SRRM3: variants seen among roughly 807,000 people sequenced by gnomAD.
SRRM3 encodes serine/arginine repetitive matrix protein 3.
A neutral mutation model predicts 66.2 loss-of-function variants in SRRM3; 27 were observed. That is an observed-to-expected ratio of 0.41 (90% confidence interval 0.30 to 0.56). The LOEUF is 0.56. Ranked by LOEUF, SRRM3 falls within the 20% of genes least tolerant of loss-of-function variation. SRRM3 has a pLI of 0.32. For missense variants in SRRM3, 918 were observed against 991.9 expected (o/e 0.93, Z 1.00); for synonymous variants, 391 against 414.9 (o/e 0.94, Z 0.70).
intron 6 of SRRM3, 150 bp downstream of exon 6, chr7:76,261,053 C>A: frequency 1.3e-6 from 1 of 791,084 alleles, no homozygotes; most frequent in Non-Finnish European, 2.0e-6. Flanking sequence ...CTACAGAGGC[C>A]GTGAATCCCA....
intron 10 of SRRM3, 128 bp from the exon 11 acceptor site, chr7:76,267,130 T>G: frequency 5.8e-6 from 5 of 860,432 alleles, no homozygotes; most frequent in Non-Finnish European, 4.9e-6. Context: ...GTTCCCAGCA[T>G]GGTGAAAAGG....
intron 1 of SRRM3, among the ~76,000 whole-genome samples, chr7:76,234,518 T>C (rs1554604565): frequency 6.6e-6 from 1 of 152,176 alleles, no homozygotes. Context: ...GGCTTCCATC[T>C]TCCCCTCTCT....
intron 1 of SRRM3, among the ~76,000 whole-genome samples, chr7:76,233,225 A>G (rs1554604397): frequency 6.6e-6 from 1 of 152,146 alleles, no homozygotes; most frequent in Non-Finnish European, 1.5e-5. Flanking sequence ...GTGGGAGGAT[A>G]TCGCTTGAGC....
intron 1 of SRRM3, among the ~76,000 whole-genome samples, chr7:76,216,262 G>T (rs982420929): frequency 2.0e-5 from 3 of 149,296 alleles, no homozygotes; most frequent in Non-Finnish European, 3.0e-5. Flanking sequence ...CCCCATGCTG[G>T]TCTTGAACTC....
At position 76,264,905 on chromosome 7, in the gene SRRM3, T is replaced by G. The variant is rs1267362053; in HGVS notation, c.725+90T>G. 4 of 1,373,674 alleles carry G rather than the reference T, an allele frequency of 2.9e-6. No individual in the cohort carries two copies. In the Admixed American group the frequency reaches 6.5e-5, roughly 22 times the overall value. 85.1% of individuals were successfully genotyped at this position (1,373,674 alleles called of 1,614,324 possible). On this transcript the variant is annotated intron_variant, in intron 9 of 14. Transcript: ENST00000611745. ...TTTTAGAATCACAGAATCAGGCCATTAAAGGTAGCTCATTTTGCCCAGATG... is the reference window on the plus strand; with the variant it reads ...TTTTAGAATCACAGAATCAGGCCATGAAAGGTAGCTCATTTTGCCCAGATG...
At position 76,286,140 on chromosome 7, in the gene SRRM3, G is replaced by A; in HGVS notation, c.*297G>A. ...GAATCTCCCCATCCCCCTTCCTGCT[G>A]ATGCCAACTCACCAGGCTTGGGACT... On this transcript the variant is annotated 3_prime_UTR_variant, in exon 15 of 15. Transcript: ENST00000611745. The A allele has an allele frequency of 2.0e-6, 1 of 494,990 alleles. No individual in the cohort carries two copies. Among genetic ancestry groups the A allele is most frequent in the Non-Finnish European group, 3.7e-6 (1 of 267,324 alleles). The allele number at this position is 494,990 out of a possible 1,614,324, so 30.7% of individuals were successfully genotyped here.
At position 76,281,788 on chromosome 7, in the gene SRRM3, C is replaced by CGGACACGGGAAACGGTGAGCGTGCT; in HGVS notation, c.1361_1370+15dup. On this transcript the variant is annotated stop_gained and frameshift_variant, in exon 12 of 15. Transcript: ENST00000611745. LOFTEE classifies it high-confidence loss of function. ...AGCCCGGCTCTGAGCGAGGCCACGG[C>CGGACACGGGAAACGGTGAGCGTGCT]GGACACGGGAAACGGTGAGCGTGCT... is the stretch of plus-strand genomic sequence containing the variant. The CGGACACGGGAAACGGTGAGCGTGCT allele has an allele frequency of 7.2e-7, 1 of 1,384,508 alleles. No homozygotes were observed. Among genetic ancestry groups the CGGACACGGGAAACGGTGAGCGTGCT allele is most frequent in the Non-Finnish European group, 9.3e-7 (1 of 1,069,618 alleles). 85.8% of individuals were successfully genotyped at this position (1,384,508 alleles called of 1,614,324 possible).
At chr7:76,233,030 C>A (rs1199158328) in intron 1 of SRRM3, among the ~76,000 whole-genome samples, 1 of 151,804 alleles carries the variant, frequency 6.6e-6, no homozygotes, top group African/African-American at 2.4e-5. Context: ...GGGCTGGGCG[C>A]GGTGGCTCAC....
In SRRM3 at chr7:76,265,462, C is replaced by A; in HGVS notation, c.824C>A (p.Pro275His). Residue 275 changes from proline to histidine, a missense_variant, in exon 10 of 15, where the codon CCC becomes CAC. Coordinates refer to ENST00000611745, the MANE Select transcript of SRRM3 (RefSeq NM_001110199.3). ...TCCCACTACAGTGATTCCAGATCTCCCAGCAGGTAGGCCTGGGCCTCTGGG... is the reference window on the plus strand; with the variant it reads ...TCCCACTACAGTGATTCCAGATCTCACAGCAGGTAGGCCTGGGCCTCTGGG... ...LSSHYSDSRS[P>H]SRLSPKHRDE... 6.2e-7 allele frequency: 1 copy of A among 1,601,240 alleles called. No individual in the cohort carries two copies. The highest frequency in any genetic ancestry group is 8.5e-7 in the Non-Finnish European group (1 of 1,174,266).
At position 76,283,664 on chromosome 7, in the gene SRRM3, G is replaced by C. The variant is rs1426965821; in HGVS notation, c.1733+563G>C. Reference sequence around the variant, plus strand: ...CTGCCTCTCTCTTTCTCACTAACCTGGGGGATTTGGAGGAGGGGGCACAGC... The same window carrying C: ...CTGCCTCTCTCTTTCTCACTAACCTCGGGGATTTGGAGGAGGGGGCACAGC... On this transcript the variant is annotated intron_variant, in intron 14 of 14. Coordinates refer to ENST00000611745, the MANE Select transcript of SRRM3 (RefSeq NM_001110199.3). The C allele has an allele frequency of 1.4e-5, 9 of 625,474 alleles. No homozygotes were observed. In the East Asian group the frequency reaches 5.4e-4, roughly 37 times the overall value. The allele number at this position is 625,474 out of a possible 1,614,324, so 38.7% of individuals were successfully genotyped here. A position where few individuals can be genotyped will look rare whatever the true frequency, so the allele number is the denominator to read the frequency against.
At chr7:76,213,382 G>A (rs201794278) in intron 1 of SRRM3, among the ~76,000 whole-genome samples, 5 of 152,096 alleles carry the variant, frequency 3.3e-5, no homozygotes, top group African/African-American at 9.7e-5. Flanking sequence ...GCACTGCTGC[G>A]TGTATTAACT....
chr7:76,248,193 C>G lies in SRRM3; in HGVS notation c.239C>G (p.Ser80Trp). The stretch of plus-strand genomic sequence containing the variant: ...CCCTCTCTGTGCCCCTGCAGGTATT[C>G]GGAGGAGGAGATTCGGCAGAAAGTG... ...LQEMMEEQGY[S>W]EEEIRQKVGT... is the part of the protein sequence containing the mutation. Residue 80 changes from serine (S) to tryptophan (W), a missense_variant, in exon 3 of 15, where the codon TCG becomes TGG. Ser to Trp is a radical substitution (Grantham distance 177). Coordinates refer to ENST00000611745, the MANE Select transcript of SRRM3 (RefSeq NM_001110199.3). 6.2e-7 allele frequency: 1 copy of G among 1,612,556 alleles called. No individual in the cohort carries two copies. Among genetic ancestry groups the G allele is most frequent in the Non-Finnish European group, 8.5e-7 (1 of 1,179,272 alleles).
intron 1 of SRRM3, among the ~76,000 whole-genome samples, chr7:76,216,708 G>A (rs548363173): frequency 2.0e-5 from 3 of 152,352 alleles, no homozygotes; most frequent in South Asian, 4.1e-4. Context: ...GGTGACAGAG[G>A]TTTCTAGCTT....
At chr7:76,272,727 G>T (rs1292780700) in intron 11 of SRRM3, among the ~76,000 whole-genome samples, 2 of 152,182 alleles carry the variant, frequency 1.3e-5, no homozygotes, top group African/African-American at 4.8e-5. Flanking sequence ...AGGTGAGGGT[G>T]GCAGAGAAGG....
At position 76,260,125 on chromosome 7, in the gene SRRM3, A is replaced by G; in HGVS notation, c.473A>G (p.His158Arg). 3 of 1,398,932 alleles carry G rather than the reference A, an allele frequency of 2.1e-6. No homozygotes were observed. Among genetic ancestry groups the G allele is most frequent in the African/African-American group, 1.7e-5 (1 of 57,878 alleles). 86.7% of individuals were successfully genotyped at this position (1,398,932 alleles called of 1,614,324 possible). Residue 158 changes from histidine to arginine, a missense_variant, in exon 5 of 15, where the codon CAT (histidine) becomes CGT (arginine). Coordinates refer to ENST00000611745, the MANE Select transcript of SRRM3 (RefSeq NM_001110199.3). The part of the protein sequence containing the change: ...YRGHRGYRTK[H>R]WSSSSASPPP... Reference sequence around the variant, plus strand: ...CGCCCCTTCTCCCCCAGGACCAAGCATTGGTCTAGCAGCTCGGCATCGCCC... The same window carrying G: ...CGCCCCTTCTCCCCCAGGACCAAGCGTTGGTCTAGCAGCTCGGCATCGCCC...
Position 76,259,925 on chromosome 7 carries a change from C to T in SRRM3, c.355C>T (p.Leu119=). ...CGGCAGTGTGGCGGAGACCCCGCGG[C>T]TGACCGAGGGCGCTGAGCCGGGCCT... ...GGHIVAETPR[L]TEGAEPGLEY... The change falls in exon 4 of 15, where the codon CTG becomes TTG. Residue 119 remains leucine (L), a synonymous_variant. Transcript: ENST00000611745. 1 of 1,601,856 alleles carries T rather than the reference C, an allele frequency of 6.2e-7. No homozygotes were observed. The highest frequency in any genetic ancestry group is 1.1e-5 in the South Asian group (1 of 91,008).
chr7:76,235,081 G>C lies in SRRM3; in HGVS notation c.15G>C (p.Val5=). The part of the protein sequence containing the change: MSST[V]NNGAASMQST... Reference sequence around the variant, plus strand: ...GGCCAGCCACGATGTCCTCCACCGTGAACAACGGGGCGGCCAGCATGCAGT... The same window carrying C: ...GGCCAGCCACGATGTCCTCCACCGTCAACAACGGGGCGGCCAGCATGCAGT... The change falls in exon 2 of 15, where the codon GTG becomes GTC. Residue 5 remains valine, a synonymous_variant. Coordinates refer to ENST00000611745, the MANE Select transcript of SRRM3 (RefSeq NM_001110199.3). The C allele has an allele frequency of 6.3e-7, 1 of 1,580,538 alleles. No individual in the cohort carries two copies. Among genetic ancestry groups the C allele is most frequent in the Non-Finnish European group, 8.6e-7 (1 of 1,168,194 alleles).
chr7:76,248,054 C>T, intron 2 of SRRM3, 134 bp from the exon 3 acceptor site: 1 of 673,318 alleles, frequency 1.5e-6, no homozygotes, highest in Non-Finnish European at 2.7e-6. Flanking sequence ...TGATCTGTGA[C>T]CTTGGACAGG....
chr7:76,283,217 A>AT, intron 14 of SRRM3, 116 bp downstream of exon 14: 1 of 620,186 alleles, frequency 1.6e-6, no homozygotes, highest in Non-Finnish European at 2.0e-6. Context: ...TGGCACGGGG[A>AT]TGGGGGGGGG....
Sources: gnomAD v4.1 joint callset for allele counts (sites outside exome capture counted in the v4.1 genomes callset) on GRCh38, gnomAD v4.1.1 for gene constraint, MANE v1.5 for transcripts, NCBI Gene and HGNC (gene_info 2026-07-23, HGNC 2026-07-21) for gene names.